PCDH7: variants seen among roughly 807,000 people sequenced by gnomAD.
PCDH7 encodes protocadherin 7.
In PCDH7, 17 loss-of-function variants were observed where a neutral mutation model predicts 58.9. The observed-to-expected ratio is 0.29, with a 90% CI of 0.20 to 0.43. PCDH7 has a LOEUF of 0.43. Ranked by LOEUF, PCDH7 falls within the 20% of genes least tolerant of loss-of-function variation. The probability of loss-of-function intolerance (pLI) is 1.00; values close to 1 mark genes in which losing one functional copy is unlikely to be tolerated. For missense variants in PCDH7, 1,274 were observed against 1,441.0 expected (o/e 0.88, Z 1.88); for synonymous variants, 664 against 616.4 (o/e 1.08, Z -1.14).
intron 1 of PCDH7, among the ~76,000 whole-genome samples, chr4:30,893,588 A>T (rs1738894950): frequency 6.6e-6 from 1 of 152,134 alleles, no homozygotes; most frequent in African/African-American, 2.4e-5. Flanking sequence ...ACTTCTGCAG[A>T]AATGTGAATT....
At chr4:30,836,058 G>C (rs757669103) in intron 1 of PCDH7, among the ~76,000 whole-genome samples, 3 of 152,174 alleles carry the variant, frequency 2.0e-5, no homozygotes, top group Admixed American at 2.0e-4. Flanking sequence ...GATGTTAGCA[G>C]TGCTAATTTA....
At position 30,886,098 on chromosome 4, in the gene PCDH7, C is replaced by A. The variant is rs1363892495; in HGVS notation, c.71-34055C>A. ...ATGTCTAAAACACCAAAAGCAATGT[C>A]AACAAAAGCCAAAATTGACAAATGG... is the stretch of plus-strand genomic sequence containing the variant. On this transcript the variant is annotated intron_variant, in intron 1 of 3. Transcript: ENST00000509759. Among the ~76,000 whole-genome samples, 6 of 151,426 alleles carry A rather than the reference C, an allele frequency of 4.0e-5. No individual in the cohort carries two copies. In the East Asian group the frequency reaches 1.2e-3, roughly 29 times the overall value.
In PCDH7 at chr4:30,721,271, G is replaced by T. The variant is rs1177132691; in HGVS notation, c.-152G>T. On this transcript the variant is annotated 5_prime_UTR_variant, in exon 1 of 2. Transcript: ENST00000361762. The surrounding 1 kb of genome is among the most constrained non-coding windows in gnomAD (Gnocchi z 6.7). ...CCCCCATTCCCGGCCAACTCTCCAC[G>T]CCGCTTTTGCCCCCTCCCTCCCCTC... 5 of 685,664 alleles carry T rather than the reference G, an allele frequency of 7.3e-6. No individual in the cohort carries two copies. The highest frequency in any genetic ancestry group is 3.0e-5 in the East Asian group (1 of 32,978). The allele number at this position is 685,664 out of a possible 1,614,324, so 42.5% of individuals were successfully genotyped here.
chr4:31,093,073 A>C (rs747883717), intron 3 of PCDH7, among the ~76,000 whole-genome samples: 1 of 152,110 alleles, frequency 6.6e-6, no homozygotes, highest in Non-Finnish European at 1.5e-5. Context: ...ATGTGCACAG[A>C]TAATGTGCAG....
At chr4:30,907,953 C>A (rs1273027547) in intron 1 of PCDH7, among the ~76,000 whole-genome samples, 1 of 152,076 alleles carries the variant, frequency 6.6e-6, no homozygotes, top group Non-Finnish European at 1.5e-5. Context: ...TTTGTGGGGA[C>A]ATGGATGAAG....
At chr4:31,026,874 G>A (rs1353639099) in intron 3 of PCDH7, among the ~76,000 whole-genome samples, 1 of 152,172 alleles carries the variant, frequency 6.6e-6, no homozygotes, top group Non-Finnish European at 1.5e-5. Context: ...ATGTCACAAA[G>A]CTGATTGCCT....
chr4:30,863,108 C>T (rs943710364), intron 1 of PCDH7, among the ~76,000 whole-genome samples: 5 of 152,000 alleles, frequency 3.3e-5, no homozygotes, highest in Admixed American at 1.3e-4. Flanking sequence ...GTATGTGTTC[C>T]GGGATCAGAG....
intron 3 of PCDH7, among the ~76,000 whole-genome samples, chr4:31,076,300 T>C (rs1204836608): frequency 6.6e-6 from 1 of 152,208 alleles, no homozygotes; most frequent in African/African-American, 2.4e-5. Context: ...TGTGATACCA[T>C]CCTTTATCAA....
At chr4:30,869,745 T>C (rs1735317882) in intron 1 of PCDH7, among the ~76,000 whole-genome samples, 1 of 152,120 alleles carries the variant, frequency 6.6e-6, no homozygotes, top group Admixed American at 6.6e-5. Context: ...AATAAACATA[T>C]GTGTCCACGT....
At chr4:30,966,953 T>G (rs1264988587) in intron 3 of PCDH7, among the ~76,000 whole-genome samples, 1 of 152,166 alleles carries the variant, frequency 6.6e-6, no homozygotes, top group Non-Finnish European at 1.5e-5. Flanking sequence ...TCAACTTCTC[T>G]ATGCCTCAGT....
At chr4:31,116,980 C>T (rs531397996) in intron 3 of PCDH7, among the ~76,000 whole-genome samples, 1 of 152,220 alleles carries the variant, frequency 6.6e-6, no homozygotes, top group South Asian at 2.1e-4. Flanking sequence ...GGATTACAGG[C>T]ATGTGCCACC....
intron 3 of PCDH7, among the ~76,000 whole-genome samples, chr4:31,098,453 A>T (rs1161950782): frequency 6.6e-6 from 1 of 152,102 alleles, no homozygotes; most frequent in East Asian, 1.9e-4. Context: ...CTTATGTTCT[A>T]TTTGCAAGGA....
chr4:31,106,023 A>AATAT (rs1553852445), intron 3 of PCDH7, among the ~76,000 whole-genome samples: 11 of 148,710 alleles, frequency 7.4e-5, no homozygotes, highest in Admixed American at 1.3e-4. Context: ...AGAAAAAAAA[A>AATAT]ATATATATAT....
At chr4:30,814,487 A>G (rs572415818) in intron 1 of PCDH7, among the ~76,000 whole-genome samples, 1 of 151,670 alleles carries the variant, frequency 6.6e-6, no homozygotes, top group Non-Finnish European at 1.5e-5. Context: ...TGCCTCTTTT[A>G]TTTACTTTTT....
Position 30,721,358 on chromosome 4 carries a change from C to T in PCDH7, c.-65C>T, listed in dbSNP as rs1713490712. 5.7e-6 allele frequency: 8 copies of T among 1,410,014 alleles called. No individual in the cohort carries two copies. The South Asian group carries it at 1.2e-4, about 21-fold the overall frequency. The allele number at this position is 1,410,014 out of a possible 1,614,324, so 87.3% of individuals were successfully genotyped here. A position where few individuals can be genotyped will look rare whatever the true frequency, so the allele number is the denominator to read the frequency against. On this transcript the variant is annotated 5_prime_UTR_variant, in exon 1 of 2. Coordinates refer to ENST00000361762, the Ensembl canonical transcript of PCDH7. The surrounding 1 kb of genome is among the most constrained non-coding windows in gnomAD (Gnocchi z 6.7). ...CTCGGGGGAGGGCAGGCGGCCGGCCCCGGAGGAGGGGGGCGCCGAGGGGGC... is the reference window on the plus strand; with the variant it reads ...CTCGGGGGAGGGCAGGCGGCCGGCCTCGGAGGAGGGGGGCGCCGAGGGGGC...
chr4:30,779,646 G>A (rs562681844), intron 1 of PCDH7, among the ~76,000 whole-genome samples: 83 of 152,152 alleles, frequency 5.5e-4, no homozygotes, highest in Non-Finnish European at 1.0e-3. Context: ...GAAACTGTTT[G>A]TAATTTCTAA....
chr4:30,829,825 G>C (rs557096764), intron 1 of PCDH7, among the ~76,000 whole-genome samples: 1 of 152,148 alleles, frequency 6.6e-6, no homozygotes, highest in South Asian at 2.1e-4. Context: ...CTCTAAAATA[G>C]AAGGGGGATG....
intron 3 of PCDH7, among the ~76,000 whole-genome samples, chr4:31,117,839 A>G (rs903316711): frequency 2.0e-5 from 3 of 152,160 alleles, no homozygotes; most frequent in Non-Finnish European, 4.4e-5. Context: ...AGGGGTTGTT[A>G]AGGAATTCTG....
chr4:30,771,963 A>G (rs191306678), intron 1 of PCDH7, among the ~76,000 whole-genome samples: 3 of 151,976 alleles, frequency 2.0e-5, no homozygotes, highest in African/African-American at 7.2e-5. Context: ...CTTCGCCTCC[A>G]GGGTTCAAGC....
Sources: gnomAD v4.1 joint callset for allele counts (sites outside exome capture counted in the v4.1 genomes callset) on GRCh38, gnomAD v4.1.1 for gene constraint, Gnocchi (gnomAD v3.1) non-coding constraint, MANE v1.5 for transcripts, NCBI Gene and HGNC (gene_info 2026-07-23, HGNC 2026-07-21) for gene names.